Variants in ARL9 observed in about 807,000 individuals in gnomAD.
ARL9 encodes ARF like GTPase 9, also known as ADP-ribosylation factor-like protein 9.
In ARL9, 14 loss-of-function variants were observed where a neutral mutation model predicts 27.0. The observed-to-expected ratio is 0.52, with a 90% CI of 0.34 to 0.81. The LOEUF (loss-of-function observed/expected upper bound fraction) is 0.81, where lower values mean the gene tolerates loss of function less well. ARL9 is among the 30% of genes least tolerant of loss of function. ARL9 has a pLI of 0.01. For missense variants in ARL9, 294 were observed against 290.0 expected (o/e 1.01, Z -0.10); for synonymous variants, 106 against 108.7 (o/e 0.98, Z 0.15).
chr4:56,517,099 C>T (rs1006820585), intron 2 of ARL9, among the ~76,000 whole-genome samples: 1 of 152,074 alleles, frequency 6.6e-6, no homozygotes, highest in Non-Finnish European at 1.5e-5. Flanking sequence ...TTGTATGGAC[C>T]TCAGGAGACA....
chr4:56,513,827 T>C (rs1214637418), intron 2 of ARL9, among the ~76,000 whole-genome samples: 2 of 152,174 alleles, frequency 1.3e-5, no homozygotes, highest in Non-Finnish European at 2.9e-5. Context: ...CCCCAGTTTC[T>C]AATTCTGGAG....
upstream of ARL9, chr4:56,505,617 G>T (rs1288661501): frequency 3.2e-6 from 2 of 621,286 alleles, no homozygotes; most frequent in East Asian, 3.1e-5. Context: ...CAATCCATCC[G>T]TACGCCTCCG....
chr4:56,508,315 C>T (rs1199212290), intron 1 of ARL9, among the ~76,000 whole-genome samples: 1 of 152,062 alleles, frequency 6.6e-6, no homozygotes. Flanking sequence ...TGGAAGACAT[C>T]TATGAAAATA....
At chr4:56,510,196 A>G (rs999279926) in intron 1 of ARL9, among the ~76,000 whole-genome samples, 2 of 151,606 alleles carry the variant, frequency 1.3e-5, no homozygotes, top group Non-Finnish European at 2.9e-5. Context: ...CGTCTGTAGT[A>G]AAAATACAAA....
intron 1 of ARL9, among the ~76,000 whole-genome samples, chr4:56,509,201 C>CTTTTCT (rs1553949438): frequency 3.7e-5 from 5 of 133,350 alleles, no homozygotes; most frequent in African/African-American, 1.1e-4. Context: ...TTTTCTTTTT[C>CTTTTCT]TTTTTTTTGT....
intron 1 of ARL9, among the ~76,000 whole-genome samples, chr4:56,510,601 T>C (rs1486444612): frequency 6.6e-6 from 1 of 152,138 alleles, no homozygotes; most frequent in Non-Finnish European, 1.5e-5. Flanking sequence ...CTGTAATCTA[T>C]AGCACTGCTC....
At chr4:56,512,692 A>G (rs551326266) in intron 2 of ARL9, among the ~76,000 whole-genome samples, 1 of 152,072 alleles carries the variant, frequency 6.6e-6, no homozygotes, top group African/African-American at 2.4e-5. Flanking sequence ...GGCACACACC[A>G]TCATGCTCAG....
intron 1 of ARL9, among the ~76,000 whole-genome samples, chr4:56,507,636 A>T (rs1721502621): frequency 6.6e-6 from 1 of 151,104 alleles, no homozygotes; most frequent in South Asian, 2.1e-4. Context: ...TTTAATTCAC[A>T]CTATTTTATA....
intron 3 of ARL9, among the ~76,000 whole-genome samples, chr4:56,522,657 T>C (rs531681099): frequency 6.6e-6 from 1 of 152,346 alleles, no homozygotes; most frequent in East Asian, 1.9e-4. Flanking sequence ...TAAATAATTC[T>C]TGGTGTATGA....
chr4:56,514,127 C>T (rs537799635), intron 2 of ARL9, among the ~76,000 whole-genome samples: 282 of 152,246 alleles, frequency 1.9e-3, no homozygotes, highest in African/African-American at 6.5e-3. Context: ...GCCATGATCA[C>T]GCCACTGCAT....
chr4:56,511,290 C>G lies in ARL9; in HGVS notation c.385C>G (p.Gln129Glu). 2 of 1,613,694 alleles carry G rather than the reference C, an allele frequency of 1.2e-6. No individual in the cohort carries two copies. Among genetic ancestry groups the G allele is most frequent in the Non-Finnish European group, 1.7e-6 (2 of 1,179,752 alleles). Reference sequence around the variant, plus strand: ...AGTCCAGCACAGTGTGGCACCCACCCAAGGTTTCCATGCAGTTTGCATCAA... The same window carrying G: ...AGTCCAGCACAGTGTGGCACCCACCGAAGGTTTCCATGCAGTTTGCATCAA... ...NRVQHSVAPT[Q>E]GFHAVCINTE... Residue 129 changes from glutamine (Q) to glutamate (E), a missense_variant, in exon 2 of 4, where the codon CAA becomes GAA. Transcript: ENST00000640821.
chr4:56,523,261 C>T (rs1462656247), intron 3 of ARL9, among the ~76,000 whole-genome samples: 2 of 152,128 alleles, frequency 1.3e-5, no homozygotes, highest in African/African-American at 4.8e-5. Flanking sequence ...TGGTGGCACA[C>T]ACCTGTAGTC....
At chr4:56,506,553 T>C (rs939197668) in intron 1 of ARL9, 54 of 929,164 alleles carry the variant, frequency 5.8e-5, no homozygotes, top group Non-Finnish European at 6.9e-5. Flanking sequence ...TTGAATGCGT[T>C]CTTTGTCAGA....
At chr4:56,507,863 C>T (rs1213207307) in intron 1 of ARL9, among the ~76,000 whole-genome samples, 8 of 151,214 alleles carry the variant, frequency 5.3e-5, no homozygotes, top group Admixed American at 5.3e-4. Flanking sequence ...GTAATCCCAG[C>T]TACTCGGGAG....
Position 56,511,177 on chromosome 4 carries a change from T to C in ARL9, c.280-8T>C. The stretch of plus-strand genomic sequence containing the variant: ...ATGGGCTTATTGATTTATCTTTTTG[T>C]TTCACAGGAGAAAAACAAGCAAATC... On this transcript the variant is annotated splice_region_variant and splice_polypyrimidine_tract_variant and intron_variant, in intron 1 of 3. Transcript: ENST00000640821. 3 of 1,554,554 alleles carry C rather than the reference T, an allele frequency of 1.9e-6. No individual in the cohort carries two copies. Among genetic ancestry groups the C allele is most frequent in the South Asian group, 2.4e-5 (2 of 84,008 alleles).
chr4:56,506,786 TTGTGTGTGTGTGTGTGTGTGTGTGTG>T (rs138908292), intron 1 of ARL9: 1 of 179,852 alleles, frequency 5.6e-6, no homozygotes, highest in Non-Finnish European at 8.1e-6. Context: ...ATTAACACAG[TTGTGTGTGTGTGTGTGTGTGTGTGTG>T]TGTGTGTGTG....
Position 56,506,122 on chromosome 4 carries a change from G to A in ARL9, c.260G>A (p.Arg87Lys), listed in dbSNP as rs2110139447. Residue 87 changes from arginine (R) to lysine (K), a missense_variant, in exon 1 of 4, where the codon AGG becomes AAG. Physicochemically the swap from Arg to Lys is conservative, Grantham distance 26. Transcript: ENST00000640821. ...KGENKDSTLT[R>K]TPLEPLEKNK... is the part of the protein sequence containing the mutation. ...GAGAACAAGGACAGCACCTTGACAA[G>A]GACCCCGCTCGAGCCGCTGGTAAGA... 1 of 1,233,584 alleles carries A rather than the reference G, an allele frequency of 8.1e-7. No homozygotes were observed. The highest frequency in any genetic ancestry group is 3.2e-5 in the East Asian group (1 of 31,708). 76.4% of individuals were successfully genotyped at this position (1,233,584 alleles called of 1,614,324 possible).
chr4:56,517,757 C>T (rs41499049), intron 2 of ARL9, among the ~76,000 whole-genome samples: 1,893 of 151,950 alleles, frequency 0.012, 48 homozygotes, highest in African/African-American at 0.044. Context: ...GAAGAATCAG[C>T]AGGATGAAGT....
Position 56,521,665 on chromosome 4 carries a change from A to G in ARL9, c.619-2032A>G, listed in dbSNP as rs1721922268. Reference sequence around the variant, plus strand: ...TTATCAGACTTTTTCATTTTTGCCAATCTGATGGGTGAACTTGTTTTTTAT... The same window carrying G: ...TTATCAGACTTTTTCATTTTTGCCAGTCTGATGGGTGAACTTGTTTTTTAT... On this transcript the variant is annotated intron_variant, in intron 3 of 3. Transcript: ENST00000640821. 4.6e-5 allele frequency among the ~76,000 whole-genome samples: 7 copies of G among 152,152 alleles called. No homozygotes were observed. In the South Asian group the frequency reaches 8.3e-4, roughly 18 times the overall value.
Sources: allele counts gnomAD v4.1 joint callset (sites outside exome capture counted in the v4.1 genomes callset), GRCh38; gene constraint gnomAD v4.1.1; transcripts MANE v1.5; gene names NCBI Gene and HGNC (gene_info 2026-07-23, HGNC 2026-07-21).